Variants in ZNF469 observed in about 807,000 individuals in gnomAD.
ZNF469 encodes zinc finger protein 469.
Under a neutral mutation model 1.0 loss-of-function variants are expected in ZNF469, and 1 was observed. That is an observed-to-expected ratio of 1.00 (90% CI 0.35 to 4.73). ZNF469 has a LOEUF of 4.73. ZNF469 is among the 30% of genes most tolerant of loss of function. The pLI, the probability that ZNF469 is intolerant of heterozygous loss-of-function variation, is 0.16. For synonymous variants in ZNF469, 2,703 were observed against 2,363.4 expected (o/e 1.14, Z -4.17); for missense variants, 6,100 against 5,356.3 (o/e 1.14, Z -4.33).
the ZNF469 span, among the ~76,000 whole-genome samples, chr16:88,123,023 T>C: frequency 6.6e-6 from 1 of 152,162 alleles, no homozygotes; most frequent in African/African-American, 2.4e-5. Context: ...ATACTCAGAT[T>C]GCCTCTTTGT....
chr16:88,125,647 C>T, the ZNF469 span, among the ~76,000 whole-genome samples: 2 of 152,140 alleles, frequency 1.3e-5, no homozygotes, highest in Admixed American at 6.5e-5. Flanking sequence ...AGGTCTAGCT[C>T]ATACTTTGTA....
chr16:88,417,617 C>T (rs942356304), intron 1 of ZNF469, among the ~76,000 whole-genome samples: 12 of 152,218 alleles, frequency 7.9e-5, no homozygotes, highest in African/African-American at 2.4e-4. Context: ...CTTCCTACAC[C>T]CTTTGGGCAG....
At chr16:88,232,842 G>T in the ZNF469 span, among the ~76,000 whole-genome samples, 5 of 152,262 alleles carry the variant, frequency 3.3e-5, no homozygotes, top group Non-Finnish European at 7.3e-5. Context: ...ATTCGGAGCT[G>T]CTCCTCAGGG....
chr16:88,427,474 C>A lies in ZNF469; in HGVS notation c.4C>A (p.Pro2Thr). 1 of 1,513,000 alleles carries A rather than the reference C, an allele frequency of 6.6e-7. No individual in the cohort carries two copies. The highest frequency in any genetic ancestry group is 8.8e-7 in the Non-Finnish European group (1 of 1,133,512). The allele number at this position is 1,513,000 out of a possible 1,614,324, so 93.7% of individuals were successfully genotyped here. A position where few individuals can be genotyped will look rare whatever the true frequency, so the allele number is the denominator to read the frequency against. M[P>T]GERPRGAPPP... Reference sequence around the variant, plus strand: ...CTAGCGCCAGGACGGAGGGGCCATGCCTGGGGAGCGCCCCCGAGGAGCGCC... The same window carrying A: ...CTAGCGCCAGGACGGAGGGGCCATGACTGGGGAGCGCCCCCGAGGAGCGCC... The change falls in exon 3 of 3, where the codon CCT (proline) becomes ACT (threonine). Residue 2 changes from proline to threonine, a missense_variant. By Grantham distance (38) the Pro-to-Thr change is conservative. Coordinates refer to ENST00000565624, the MANE Select transcript of ZNF469 (RefSeq NM_001367624.2).
At chr16:88,273,514 A>G in the ZNF469 span, among the ~76,000 whole-genome samples, 1 of 152,186 alleles carries the variant, frequency 6.6e-6, no homozygotes, top group Non-Finnish European at 1.5e-5. Flanking sequence ...ATGTGTTGGC[A>G]AGGACGTAGG....
At chr16:88,355,237 C>A in the ZNF469 span, among the ~76,000 whole-genome samples, 1 of 152,224 alleles carries the variant, frequency 6.6e-6, no homozygotes, top group African/African-American at 2.4e-5. Flanking sequence ...ACACCCATGG[C>A]TGGAGGTGCT....
Position 88,428,836 on chromosome 16 carries a change from C to A in ZNF469, c.1366C>A (p.Leu456Met). 6.5e-7 allele frequency: 1 copy of A among 1,548,278 alleles called. No individual in the cohort carries two copies. The highest frequency in any genetic ancestry group is 1.2e-5 in the South Asian group (1 of 84,040). The change falls in exon 3 of 3, where the codon CTG (leucine) becomes ATG (methionine). Residue 456 changes from leucine (L) to methionine (M), a missense_variant. Leu to Met is a conservative substitution (Grantham distance 15, BLOSUM62 2). Coordinates refer to ENST00000565624, the MANE Select transcript of ZNF469 (RefSeq NM_001367624.2). ...TTACCCCACACCTCCTGGGGGCCCC[C>A]TGGCTGCCACCAGGAGTATGTTCTT... ...APYPTPPGGP[L>M]AATRSMFFNG...
the ZNF469 span, among the ~76,000 whole-genome samples, chr16:88,362,027 G>A: frequency 6.6e-6 from 1 of 152,314 alleles, no homozygotes; most frequent in East Asian, 1.9e-4. Context: ...GACTGCTGTT[G>A]CAGTCCCTGC....
chr16:88,271,263 G>A, the ZNF469 span, among the ~76,000 whole-genome samples: 3 of 145,202 alleles, frequency 2.1e-5, no homozygotes, highest in Non-Finnish European at 3.1e-5. Flanking sequence ...AAGCTATTGT[G>A]CAGAATTTGG....
chr16:88,192,245 G>T, the ZNF469 span: 1 of 152,258 alleles, frequency 6.6e-6, no homozygotes. Context: ...CATGGCTCCT[G>T]CAGGGAGATG....
At chr16:88,192,871 GTGA>G in the ZNF469 span, among the ~76,000 whole-genome samples, 54 of 148,534 alleles carry the variant, frequency 3.6e-4, no homozygotes, top group East Asian at 1.4e-3. Flanking sequence ...GACGGTGGTG[GTGA>G]TGATGATGAT....
At chr16:88,412,759 A>C (rs1905206435) in intron 1 of ZNF469, among the ~76,000 whole-genome samples, 1 of 152,194 alleles carries the variant, frequency 6.6e-6, no homozygotes, top group South Asian at 2.1e-4. Context: ...GCCCAGAGAG[A>C]ACGCTCACAC....
the ZNF469 span, among the ~76,000 whole-genome samples, chr16:88,286,392 G>A: frequency 1.3e-5 from 2 of 152,244 alleles, no homozygotes; most frequent in Non-Finnish European, 2.9e-5. Context: ...GCACCTGCCT[G>A]TCTGCTCTGA....
the ZNF469 span, among the ~76,000 whole-genome samples, chr16:88,206,649 C>G: frequency 4.6e-5 from 7 of 151,800 alleles, no homozygotes; most frequent in Non-Finnish European, 8.8e-5. Context: ...CGACTCGACT[C>G]TGGTTCCCTG....
At chr16:88,325,126 T>G in the ZNF469 span, among the ~76,000 whole-genome samples, 5,753 of 145,404 alleles carry the variant, frequency 0.04, 153 homozygotes, top group South Asian at 0.096. Context: ...AGTCCTCACC[T>G]GCACACTCCA....
chr16:88,287,400 T>C, the ZNF469 span, among the ~76,000 whole-genome samples: 4 of 152,332 alleles, frequency 2.6e-5, no homozygotes, highest in South Asian at 8.3e-4. Flanking sequence ...ACAGTGGTTG[T>C]GTACAACCGC....
chr16:88,162,506 A>G, the ZNF469 span, among the ~76,000 whole-genome samples: 56 of 152,346 alleles, frequency 3.7e-4, no homozygotes, highest in African/African-American at 1.3e-3. Flanking sequence ...ATTTTATAAA[A>G]AACATTTTGC....
chr16:88,345,475 G>A, the ZNF469 span, among the ~76,000 whole-genome samples: 1 of 152,202 alleles, frequency 6.6e-6, no homozygotes, highest in Non-Finnish European at 1.5e-5. Context: ...TTGGGTAGGT[G>A]ACACCAGGAG....
the ZNF469 span, among the ~76,000 whole-genome samples, chr16:88,247,461 T>TG: frequency 6.7e-6 from 1 of 149,698 alleles, no homozygotes; most frequent in South Asian, 2.1e-4. Context: ...AATGAGTGAA[T>TG]GAATGAATGA....
Sources: allele counts gnomAD v4.1 joint callset (sites outside exome capture counted in the v4.1 genomes callset), GRCh38; gene constraint gnomAD v4.1.1; transcripts MANE v1.5; gene names NCBI Gene and HGNC (gene_info 2026-07-23, HGNC 2026-07-21).